DLGAP2: variants seen among roughly 807,000 people sequenced by gnomAD.
The protein encoded by DLGAP2 is disks large-associated protein 2.
Under a neutral mutation model 100.3 loss-of-function variants are expected in DLGAP2, and 26 were observed. That is an observed-to-expected ratio of 0.26 (90% confidence interval 0.19 to 0.36). DLGAP2 has a LOEUF of 0.36. Among genes scored for constraint, DLGAP2 ranks in the 10% least tolerant of loss-of-function variants. The probability of loss-of-function intolerance (pLI) is 1.00; values close to 1 mark genes in which losing one functional copy is unlikely to be tolerated. For synonymous variants in DLGAP2, 886 were observed against 630.1 expected (o/e 1.41, Z -6.08); for missense variants, 1,858 against 1,453.2 (o/e 1.28, Z -4.53).
intron 14 of DLGAP2, among the ~76,000 whole-genome samples, chr8:1,700,009 A>G (rs1403780923): frequency 1.3e-5 from 2 of 152,258 alleles, no homozygotes; most frequent in East Asian, 3.8e-4. Context: ...GAAGGTTTCA[A>G]TGAACTGATC....
intron 2 of DLGAP2, among the ~76,000 whole-genome samples, chr8:1,057,861 A>T (rs76292878): frequency 1.2e-4 from 18 of 148,284 alleles, no homozygotes; most frequent in Non-Finnish European, 1.9e-4. Flanking sequence ...CTGGAGAAAT[A>T]AAAAAAAAAG....
intron 3 of DLGAP2, among the ~76,000 whole-genome samples, chr8:1,287,243 A>G (rs1342182537): frequency 2.0e-5 from 2 of 98,322 alleles, no homozygotes; most frequent in South Asian, 3.6e-4. Flanking sequence ...TTTTGTTAGG[A>G]GGGGAACTAG....
intron 3 of DLGAP2, among the ~76,000 whole-genome samples, chr8:1,430,016 A>ATATATATATATATATATATATG: frequency 1.1e-5 from 1 of 89,186 alleles, no homozygotes; most frequent in African/African-American, 4.9e-5. Context: ...ACATATATAT[A>ATATATATATATATATATATATG]TATATATATA....
intron 2 of DLGAP2, among the ~76,000 whole-genome samples, chr8:911,417 G>C (rs1173837598): frequency 2.6e-5 from 4 of 152,148 alleles, no homozygotes; most frequent in South Asian, 2.1e-4. Flanking sequence ...AAACATACTG[G>C]AGAATGTTGG....
intron 3 of DLGAP2, among the ~76,000 whole-genome samples, chr8:1,381,549 A>G (rs1796095226): frequency 6.6e-6 from 1 of 152,102 alleles, no homozygotes; most frequent in Non-Finnish European, 1.5e-5. Flanking sequence ...TGTGACTTGA[A>G]TTTATATCCT....
At chr8:1,254,700 G>T (rs1162387582) in intron 2 of DLGAP2, among the ~76,000 whole-genome samples, 1 of 152,160 alleles carries the variant, frequency 6.6e-6, no homozygotes, top group Non-Finnish European at 1.5e-5. Flanking sequence ...TCCTGCCTTA[G>T]CTCTTCTCAG....
chr8:1,568,024 T>G (rs1261144964), intron 6 of DLGAP2, among the ~76,000 whole-genome samples: 1 of 150,922 alleles, frequency 6.6e-6, no homozygotes, highest in Non-Finnish European at 1.5e-5. Context: ...CACTGTCCAC[T>G]CAGCAAACAC....
intron 1 of DLGAP2, among the ~76,000 whole-genome samples, chr8:762,636 G>A (rs531847501): frequency 2.6e-5 from 4 of 152,086 alleles, no homozygotes; most frequent in Non-Finnish European, 5.9e-5. Context: ...GACTCTTGAG[G>A]TCCACTGAAT....
chr8:1,277,717 G>A (rs1799732425), intron 3 of DLGAP2, among the ~76,000 whole-genome samples: 5 of 152,098 alleles, frequency 3.3e-5, no homozygotes, highest in African/African-American at 4.8e-5. Flanking sequence ...CACCGAGGTC[G>A]GGGCAGGAAT....
intron 3 of DLGAP2, among the ~76,000 whole-genome samples, chr8:1,474,807 G>C (rs2130218238): frequency 6.6e-6 from 1 of 152,348 alleles, no homozygotes; most frequent in East Asian, 1.9e-4. Flanking sequence ...TTCAGCCCCT[G>C]TGGAAAGCAG....
chr8:1,305,440 A>G (rs1800467760), intron 3 of DLGAP2, among the ~76,000 whole-genome samples: 1 of 152,176 alleles, frequency 6.6e-6, no homozygotes, highest in African/African-American at 2.4e-5. Flanking sequence ...CATGAGATGT[A>G]AACTGCTTAT....
intron 2 of DLGAP2, among the ~76,000 whole-genome samples, chr8:928,793 A>T (rs1353454992): frequency 2.0e-5 from 3 of 151,898 alleles, no homozygotes; most frequent in East Asian, 3.9e-4. Flanking sequence ...GTTAGAAGGG[A>T]CTCGAGGATT....
chr8:1,678,694 C>T lies in DLGAP2; in HGVS notation c.2704+65C>T, dbSNP rs964123912. On this transcript the variant is annotated intron_variant, in intron 12 of 14. Transcript: ENST00000637795. ...TTCTCAGTAATGCAAATATGCACAT[C>T]ACAGCATTAGTGGAGAAAAGTTCCT... The T allele has an allele frequency of 4.3e-6, 6 of 1,410,748 alleles. No homozygotes were observed. In the Admixed American group the frequency reaches 1.5e-4, roughly 34 times the overall value. The allele number at this position is 1,410,748 out of a possible 1,614,324, so 87.4% of individuals were successfully genotyped here.
chr8:1,568,331 CA>C (rs1802495498), intron 6 of DLGAP2, among the ~76,000 whole-genome samples: 1 of 62,374 alleles, frequency 1.6e-5, no homozygotes. Flanking sequence ...TCAGCAGACA[CA>C]AATCCACTCT....
At position 801,802 on chromosome 8, in the gene DLGAP2, C is replaced by T. The variant is rs1046181024; in HGVS notation, c.18+63977C>T. ...TCTCCTGGGGGTTCACACAGATGGT[C>T]CCTGCTCGGGGATGGCTCACTGCCC... On this transcript the variant is annotated intron_variant, in intron 1 of 14. Transcript: ENST00000637795. Among the ~76,000 whole-genome samples the T allele has an allele frequency of 1.4e-4, 21 of 152,292 alleles. No individual in the cohort carries two copies. In the East Asian group the frequency reaches 1.7e-3, roughly 13 times the overall value.
At chr8:1,364,814 C>A (rs773005733) in intron 3 of DLGAP2, among the ~76,000 whole-genome samples, 2 of 152,190 alleles carry the variant, frequency 1.3e-5, no homozygotes, top group African/African-American at 4.8e-5. Context: ...GCATTTACGT[C>A]GGAGTTGGGG....
At chr8:1,356,363 G>A (rs1051750434) in intron 3 of DLGAP2, among the ~76,000 whole-genome samples, 2 of 152,190 alleles carry the variant, frequency 1.3e-5, no homozygotes, top group African/African-American at 2.4e-5. Flanking sequence ...TTTTCTAGAT[G>A]TTTAAAGCTC....
chr8:1,126,879 C>T (rs1027753492), intron 2 of DLGAP2, among the ~76,000 whole-genome samples: 2 of 151,888 alleles, frequency 1.3e-5, no homozygotes, highest in African/African-American at 2.4e-5. Context: ...CCTGGGGAAA[C>T]GGGACTGCCC....
At chr8:1,112,200 T>G (rs1804978435) in intron 2 of DLGAP2, among the ~76,000 whole-genome samples, 1 of 152,048 alleles carries the variant, frequency 6.6e-6, no homozygotes, top group African/African-American at 2.4e-5. Flanking sequence ...GCCACATGTA[T>G]GTCTTCTTTT....
Sources: gnomAD v4.1 joint callset for allele counts (sites outside exome capture counted in the v4.1 genomes callset) on GRCh38, gnomAD v4.1.1 for gene constraint, MANE v1.5 for transcripts, NCBI Gene and HGNC (gene_info 2026-07-23, HGNC 2026-07-21) for gene names.